DTNB: variants seen among roughly 807,000 people sequenced by gnomAD.
DTNB encodes the protein DTN-B.
DTNB carries 63 observed loss-of-function variants against 90.7 expected under a neutral mutation model. The observed-to-expected ratio is 0.69, with a 90% CI of 0.57 to 0.86. The LOEUF is 0.86. DTNB is among the 40% of genes least tolerant of loss of function. The pLI is 0.00. For synonymous variants in DTNB, 277 were observed against 286.7 expected (o/e 0.97, Z 0.34); for missense variants, 744 against 807.1 (o/e 0.92, Z 0.95).
intron 12 of DTNB, among the ~76,000 whole-genome samples, chr2:25,441,030 G>A (rs2057254853): frequency 6.6e-6 from 1 of 152,180 alleles, no homozygotes; most frequent in Non-Finnish European, 1.5e-5. Context: ...GATCCTGAGT[G>A]GTTCCTGGTT....
At chr2:25,641,857 G>A (rs953751266) in intron 2 of DTNB, among the ~76,000 whole-genome samples, 3 of 152,168 alleles carry the variant, frequency 2.0e-5, no homozygotes, top group Non-Finnish European at 2.9e-5. Flanking sequence ...GTCTCGCTCT[G>A]TCACCCAGGC....
At chr2:25,633,963 C>G (rs1414706036) in intron 3 of DTNB, among the ~76,000 whole-genome samples, 1 of 151,266 alleles carries the variant, frequency 6.6e-6, no homozygotes, top group Non-Finnish European at 1.5e-5. Flanking sequence ...AAGTGAGGAG[C>G]CCCTCCACCC....
At chr2:25,616,317 T>C (rs1282433442) in intron 4 of DTNB, among the ~76,000 whole-genome samples, 1 of 150,404 alleles carries the variant, frequency 6.6e-6, no homozygotes, top group Non-Finnish European at 1.5e-5. Flanking sequence ...TTTACTTCTA[T>C]ATATTATAAT....
intron 8 of DTNB, among the ~76,000 whole-genome samples, chr2:25,563,924 T>C (rs1183279442): frequency 6.6e-6 from 1 of 152,190 alleles, no homozygotes; most frequent in Non-Finnish European, 1.5e-5. Context: ...GGAGTCTCAC[T>C]CTGTCGCCCA....
chr2:25,520,383 CAAACA>C (rs1285619542), intron 9 of DTNB, among the ~76,000 whole-genome samples: 2 of 152,120 alleles, frequency 1.3e-5, no homozygotes, highest in Non-Finnish European at 2.9e-5. Context: ...AACAAACAAA[CAAACA>C]AAACAATTAA....
chr2:25,580,265 G>C (rs907088680), intron 7 of DTNB, among the ~76,000 whole-genome samples: 2 of 152,026 alleles, frequency 1.3e-5, no homozygotes, highest in Non-Finnish European at 2.9e-5. Context: ...ACAGGTGTGA[G>C]CCACCATGCC....
At chr2:25,391,131 C>T (rs1157932855) in intron 16 of DTNB, among the ~76,000 whole-genome samples, 1 of 150,400 alleles carries the variant, frequency 6.6e-6, no homozygotes, top group Non-Finnish European at 1.5e-5. Flanking sequence ...CTCCTGACCT[C>T]GTGATCCACC....
Position 25,434,341 on chromosome 2 carries a change from C to T in DTNB, c.1258-346G>A, listed in dbSNP as rs72849889. Among the ~76,000 whole-genome samples, 1,354 of 149,134 alleles carry T rather than the reference C, an allele frequency of 9.1e-3. 21 individuals are homozygous for T. Among genetic ancestry groups the T allele is most frequent in the African/African-American group, 0.032 (1,280 of 40,444 alleles). On this transcript the variant is annotated intron_variant, in intron 12 of 20. Transcript: ENST00000406818. ...CATATAAACACATAGTCTTTGGTTT[C>T]TGGCTTCCACTTGGCATAATGTTTT...
At chr2:25,509,106 T>C (rs1478252335) in intron 9 of DTNB, among the ~76,000 whole-genome samples, 2 of 152,238 alleles carry the variant, frequency 1.3e-5, no homozygotes, top group Non-Finnish European at 2.9e-5. Flanking sequence ...CATCTATGAA[T>C]AAAGAAAATT....
chr2:25,393,460 T>C (rs1347093313), intron 16 of DTNB, among the ~76,000 whole-genome samples: 1 of 152,182 alleles, frequency 6.6e-6, no homozygotes, highest in African/African-American at 2.4e-5. Context: ...TTGCTGATTA[T>C]ATGATTGTAT....
chr2:25,424,525 G>T lies in DTNB; in HGVS notation c.1554+3010C>A, dbSNP rs1042924668. 2.6e-5 allele frequency among the ~76,000 whole-genome samples: 4 copies of T among 152,090 alleles called. No homozygotes were observed. The highest frequency in any genetic ancestry group is 9.7e-5 in the African/African-American group (4 of 41,402). ...GGTTACTTAGGGGAGATACACTCTG[G>T]CTTCCCTGCAGTTTACATAAACCTT... On this transcript the variant is annotated intron_variant, in intron 15 of 20. Transcript: ENST00000406818. The surrounding 1 kb of genome is among the most constrained non-coding windows in gnomAD (Gnocchi z 4.1).
intron 16 of DTNB, among the ~76,000 whole-genome samples, chr2:25,418,536 T>G (rs940639263): frequency 2.6e-4 from 40 of 152,060 alleles, no homozygotes; most frequent in African/African-American, 9.4e-4. Flanking sequence ...CTGTCTCTAC[T>G]AAAAATACAA....
intron 16 of DTNB, among the ~76,000 whole-genome samples, chr2:25,405,770 C>T (rs562750837): frequency 2.0e-5 from 3 of 152,170 alleles, no homozygotes; most frequent in South Asian, 2.1e-4. Context: ...ACTCCTGCTA[C>T]AGGCAAAGGC....
chr2:25,479,668 T>C (rs1230626399), intron 10 of DTNB, among the ~76,000 whole-genome samples: 1 of 152,234 alleles, frequency 6.6e-6, no homozygotes, highest in East Asian at 1.9e-4. Flanking sequence ...CTGTGAAAAG[T>C]AAAGCTTACA....
At chr2:25,530,369 G>A in intron 9 of DTNB, among the ~76,000 whole-genome samples, 1 of 151,122 alleles carries the variant, frequency 6.6e-6, no homozygotes, top group East Asian at 1.9e-4. Context: ...CCTGGGAGGT[G>A]GAGGCTGCAG....
At chr2:25,438,623 C>A (rs2056590925) in intron 12 of DTNB, among the ~76,000 whole-genome samples, 1 of 152,196 alleles carries the variant, frequency 6.6e-6, no homozygotes. Context: ...GACAAATTTC[C>A]CATACAGAAG....
chr2:25,493,463 T>C (rs2068036812), intron 9 of DTNB, among the ~76,000 whole-genome samples: 1 of 152,182 alleles, frequency 6.6e-6, no homozygotes, highest in Non-Finnish European at 1.5e-5. Flanking sequence ...ACTACCTCAT[T>C]CTTTTCTCTA....
At chr2:25,436,438 C>T (rs968474238) in intron 12 of DTNB, among the ~76,000 whole-genome samples, 15 of 152,236 alleles carry the variant, frequency 9.9e-5, no homozygotes, top group South Asian at 4.1e-4. Context: ...GAGGGCTCCA[C>T]GATGACCCTG....
At chr2:25,419,810 A>G (rs1306470706) in intron 15 of DTNB, among the ~76,000 whole-genome samples, 1 of 152,192 alleles carries the variant, frequency 6.6e-6, no homozygotes, top group Non-Finnish European at 1.5e-5. Context: ...TTCTTACTAT[A>G]GATCAAACAG....
Sources: gnomAD v4.1 joint callset for allele counts (sites outside exome capture counted in the v4.1 genomes callset) on GRCh38, gnomAD v4.1.1 for gene constraint, Gnocchi (gnomAD v3.1) non-coding constraint, MANE v1.5 for transcripts, NCBI Gene and HGNC (gene_info 2026-07-23, HGNC 2026-07-21) for gene names.